RSAD2: variants seen among roughly 807,000 people sequenced by gnomAD.
RSAD2 encodes the protein radical S-adenosyl methionine domain containing 2, also known as S-adenosylmethionine-dependent nucleotide dehydratase RSAD2.
In RSAD2, 38 loss-of-function variants were observed where a neutral mutation model predicts 37.7. The observed-to-expected ratio is 1.01, with a 90% CI of 0.78 to 1.32. The LOEUF (loss-of-function observed/expected upper bound fraction) is 1.32, where lower values mean the gene tolerates loss of function less well. Among genes scored for constraint, RSAD2 ranks in the 40% most tolerant of loss-of-function variants. The pLI is 0.00. For missense variants in RSAD2, 428 were observed against 437.5 expected, an observed-to-expected ratio of 0.98 and a Z score of 0.19; for synonymous variants, 163 against 157.4, an observed-to-expected ratio of 1.04 and a Z score of -0.27.
intron 2 of RSAD2, chr2:6,883,796 C>A: frequency 2.5e-6 from 1 of 401,094 alleles, no homozygotes; most frequent in East Asian, 4.4e-5. Context: ...TGCAATTTAG[C>A]AAATACAAGA....
chr2:6,884,191 A>C (rs975889667), intron 2 of RSAD2, among the ~76,000 whole-genome samples: 7 of 152,170 alleles, frequency 4.6e-5, no homozygotes, highest in Non-Finnish European at 1.0e-4. Flanking sequence ...GAAGTCTTTC[A>C]AAGGGAAACT....
intron 3 of RSAD2, among the ~76,000 whole-genome samples, chr2:6,889,481 A>G (rs1293304030): frequency 1.3e-5 from 2 of 152,254 alleles, no homozygotes; most frequent in Non-Finnish European, 2.9e-5. Flanking sequence ...CGATGATATT[A>G]GTGAAATTCT....
intron 3 of RSAD2, among the ~76,000 whole-genome samples, chr2:6,888,956 T>C (rs2103246814): frequency 6.6e-6 from 1 of 152,304 alleles, no homozygotes; most frequent in East Asian, 1.9e-4. Context: ...CTGGGAGGCT[T>C]TGTTGTGACC....
intron 3 of RSAD2, among the ~76,000 whole-genome samples, chr2:6,888,050 A>C (rs1055827690): frequency 6.9e-4 from 105 of 152,230 alleles, no homozygotes; most frequent in African/African-American, 2.5e-3. Flanking sequence ...TATGCTCTGA[A>C]AAATGGAAAG....
At chr2:6,878,196 T>G (rs539424798) in intron 1 of RSAD2, 50 bp downstream of exon 1, 1 of 1,522,494 alleles carries the variant, frequency 6.6e-7, no homozygotes, top group South Asian at 1.2e-5. Context: ...CACTGGGCAG[T>G]GGGGTAAGGC....
At chr2:6,884,573 C>T (rs969376562) in intron 2 of RSAD2, among the ~76,000 whole-genome samples, 5 of 152,160 alleles carry the variant, frequency 3.3e-5, no homozygotes, top group African/African-American at 7.2e-5. Context: ...CAAGATCAGC[C>T]GTCCAGGATG....
At chr2:6,874,490 A>G (rs74576087), upstream of RSAD2, among the ~76,000 whole-genome samples, 1,556 of 152,244 alleles carry the variant, frequency 0.01, 33 homozygotes, top group African/African-American at 0.035. Context: ...TTCCTTGTAA[A>G]CTCTCATCAG....
At chr2:6,868,752 A>G (rs1663151555) in intron 1 of RSAD2, among the ~76,000 whole-genome samples, 1 of 152,184 alleles carries the variant, frequency 6.6e-6, no homozygotes, top group Admixed American at 6.5e-5. Flanking sequence ...AATGCTGTTG[A>G]TACAGCTACC....
At position 6,893,718 on chromosome 2, in the gene RSAD2, T is replaced by C. The variant is rs1319271004; in HGVS notation, c.921+15T>C. ...TGGATGAATATGTGAGTATTTCCAA[T>C]GAGTTATAAAATTAAAACTTAATTA... On this transcript the variant is annotated intron_variant, in intron 5 of 5. Transcript: ENST00000382040. 1 of 1,567,894 alleles carries C rather than the reference T, an allele frequency of 6.4e-7. No homozygotes were observed. Among genetic ancestry groups the C allele is most frequent in the South Asian group, 1.1e-5 (1 of 89,948 alleles).
At chr2:6,879,783 T>C (rs183047255) in intron 1 of RSAD2, among the ~76,000 whole-genome samples, 295 of 152,264 alleles carry the variant, frequency 1.9e-3, no homozygotes, top group Middle Eastern at 3.4e-3. Flanking sequence ...AATAGAGGCT[T>C]AAGAAATGTT....
At chr2:6,869,762 CA>C (rs1416906202) in intron 1 of RSAD2, among the ~76,000 whole-genome samples, 1 of 152,208 alleles carries the variant, frequency 6.6e-6, no homozygotes, top group Non-Finnish European at 1.5e-5. Context: ...AGCACGCCTA[CA>C]AATCTGTGAT....
At chr2:6,890,975 T>C (rs1229864046) in intron 4 of RSAD2, among the ~76,000 whole-genome samples, 1 of 152,108 alleles carries the variant, frequency 6.6e-6, no homozygotes, top group Admixed American at 6.5e-5. Flanking sequence ...ACCTCCTTAT[T>C]AATGAAAGAT....
intron 1 of RSAD2, among the ~76,000 whole-genome samples, chr2:6,880,668 G>A (rs1663380384): frequency 6.6e-6 from 1 of 152,130 alleles, no homozygotes; most frequent in Non-Finnish European, 1.5e-5. Flanking sequence ...CTGGCTGCTT[G>A]TGGTTAGAAG....
chr2:6,868,634 C>T (rs1663149508), intron 1 of RSAD2, among the ~76,000 whole-genome samples: 2 of 152,326 alleles, frequency 1.3e-5, no homozygotes, highest in East Asian at 1.9e-4. Context: ...AGCTCTCTCC[C>T]GCATAACCTT....
At chr2:6,885,679 G>C (rs1663502992) in intron 2 of RSAD2, among the ~76,000 whole-genome samples, 1 of 152,208 alleles carries the variant, frequency 6.6e-6, no homozygotes, top group Non-Finnish European at 1.5e-5. Flanking sequence ...AAGTTGGAAA[G>C]GCGGCAGAAT....
At chr2:6,889,032 C>A (rs1311998708) in intron 3 of RSAD2, among the ~76,000 whole-genome samples, 1 of 152,226 alleles carries the variant, frequency 6.6e-6, no homozygotes. Flanking sequence ...CAATCCCACA[C>A]CCTCAATATT....
Position 6,895,979 on chromosome 2 carries a change from G to A in RSAD2, c.*37G>A. 1 of 1,597,028 alleles carries A rather than the reference G, an allele frequency of 6.3e-7. No homozygotes were observed. Among genetic ancestry groups the A allele is most frequent in the South Asian group, 1.1e-5 (1 of 89,238 alleles). On this transcript the variant is annotated 3_prime_UTR_variant, in exon 6 of 6. Transcript: ENST00000382040. ...GAACGAGACTTCAACACACCAGTGG[G>A]AAAACTCCTAGAGTAACTGCCATTG...
At chr2:6,882,256 T>A (rs971938196) in intron 1 of RSAD2, among the ~76,000 whole-genome samples, 2 of 151,984 alleles carry the variant, frequency 1.3e-5, no homozygotes, top group African/African-American at 2.4e-5. Flanking sequence ...ACAGAGAGTA[T>A]GTAGGAAGAA....
At chr2:6,892,508 A>G (rs761113234) in intron 4 of RSAD2, among the ~76,000 whole-genome samples, 21 of 152,240 alleles carry the variant, frequency 1.4e-4, no homozygotes, top group Non-Finnish European at 2.8e-4. Context: ...TTCATGAGCC[A>G]GGTTGTATCA....
Sources: gnomAD v4.1 joint callset for allele counts (sites outside exome capture counted in the v4.1 genomes callset) on GRCh38, gnomAD v4.1.1 for gene constraint, MANE v1.5 for transcripts, NCBI Gene and HGNC (gene_info 2026-07-23, HGNC 2026-07-21) for gene names.